The following GNB4 variants were observed in gnomAD, a reference collection of about 807,000 sequenced individuals.
GNB4 encodes guanine nucleotide-binding protein subunit beta-4.
Under a neutral mutation model 45.2 loss-of-function variants are expected in GNB4, and 28 were observed. The observed-to-expected ratio is 0.62, with a 90% CI of 0.46 to 0.85. The LOEUF is 0.85. GNB4 is among the 40% of genes least tolerant of loss of function. GNB4 has a pLI of 0.00. For missense variants in GNB4, 321 were observed against 425.4 expected, an observed-to-expected ratio of 0.75 and a Z score of 2.16; for synonymous variants, 132 against 143.7, an observed-to-expected ratio of 0.92 and a Z score of 0.58.
chr3:179,478,383 T>C, the GNB4 span, among the ~76,000 whole-genome samples: 1 of 152,322 alleles, frequency 6.6e-6, no homozygotes, highest in African/African-American at 2.4e-5. Flanking sequence ...TTACAAAACA[T>C]TTCATCTGCC....
At chr3:179,501,044 ACTCT>A in the GNB4 span, among the ~76,000 whole-genome samples, 1 of 152,100 alleles carries the variant, frequency 6.6e-6, no homozygotes, top group Non-Finnish European at 1.5e-5. Context: ...GGATGAAGTG[ACTCT>A]CTCAGTTGAG....
chr3:179,408,245 TA>T (rs1470307740), intron 8 of GNB4, among the ~76,000 whole-genome samples: 1 of 150,756 alleles, frequency 6.6e-6, no homozygotes, highest in Non-Finnish European at 1.5e-5. Flanking sequence ...TCACAGAAGA[TA>T]AAATTAACAG....
At chr3:179,507,456 G>T in the GNB4 span, among the ~76,000 whole-genome samples, 2 of 152,264 alleles carry the variant, frequency 1.3e-5, no homozygotes, top group Admixed American at 6.5e-5. Flanking sequence ...GAAAAGAAAG[G>T]CTTGTAGCAT....
At chr3:179,442,504 T>A (rs914125186) in intron 1 of GNB4, among the ~76,000 whole-genome samples, 2 of 152,222 alleles carry the variant, frequency 1.3e-5, no homozygotes, top group Non-Finnish European at 2.9e-5. Flanking sequence ...TATGTAAATT[T>A]AAAATCATAC....
At chr3:179,451,729 T>A (rs1026698843), upstream of GNB4, 4 of 152,046 alleles carry the variant, frequency 2.6e-5, no homozygotes, top group Admixed American at 2.0e-4. Context: ...GCAGTTTCGT[T>A]TTCTTGTTGG....
At chr3:179,494,907 CAAAAAAAAAAAA>C in the GNB4 span, among the ~76,000 whole-genome samples, 2 of 33,990 alleles carry the variant, frequency 5.9e-5, no homozygotes, top group African/African-American at 1.2e-4. Context: ...GACTCTGTCT[CAAAAAAAAAAAA>C]AAAAAAAAAA....
Position 179,396,750 on chromosome 3 carries a change from A to G in GNB4, c.*4463T>C, listed in dbSNP as rs1172564621. The G allele has an allele frequency of 5.0e-5, 7 of 141,404 alleles. No individual in the cohort carries two copies. Among genetic ancestry groups the G allele is most frequent in the Non-Finnish European group, 7.8e-5 (5 of 64,176 alleles). The allele number at this position is 141,404 out of a possible 1,614,324, so 8.8% of individuals were successfully genotyped here. ...TGTACCATCAATGTGTGATTAATTAATAAGTTACTTTTTAAAATAAAGTGC... is the reference window on the plus strand; with the variant it reads ...TGTACCATCAATGTGTGATTAATTAGTAAGTTACTTTTTAAAATAAAGTGC... On this transcript the variant is annotated 3_prime_UTR_variant, in exon 10 of 10. Transcript: ENST00000232564.
the GNB4 span, among the ~76,000 whole-genome samples, chr3:179,507,985 A>G: frequency 6.6e-6 from 1 of 152,162 alleles, no homozygotes; most frequent in Non-Finnish European, 1.5e-5. Context: ...GTCTAAGTTG[A>G]CCAATTTTGA....
upstream of GNB4, among the ~76,000 whole-genome samples, chr3:179,452,670 A>G (rs955998448): frequency 6.6e-6 from 1 of 152,184 alleles, no homozygotes; most frequent in Non-Finnish European, 1.5e-5. Context: ...AGGCCGTGAC[A>G]AAAATAGAAG....
At position 179,445,605 on chromosome 3, in the gene GNB4, T is replaced by C. The variant is rs182164850; in HGVS notation, c.-43+5741A>G. Among the ~76,000 whole-genome samples, 8 of 152,292 alleles carry C rather than the reference T, an allele frequency of 5.3e-5. 2 individuals carry two copies. The highest frequency in any genetic ancestry group is 2.1e-4 in the South Asian group (1 of 4,828). Reference sequence around the variant, plus strand: ...CTGGCCAACACTTTTGCATAATAGGTAAGAATTAATGTTTAAGGATATTCA... The same window carrying C: ...CTGGCCAACACTTTTGCATAATAGGCAAGAATTAATGTTTAAGGATATTCA... On this transcript the variant is annotated intron_variant, in intron 1 of 9. Coordinates refer to ENST00000232564, the MANE Select transcript of GNB4 (RefSeq NM_021629.4).
the GNB4 span, among the ~76,000 whole-genome samples, chr3:179,493,871 A>G: frequency 1.3e-5 from 2 of 152,194 alleles, no homozygotes; most frequent in Non-Finnish European, 2.9e-5. Context: ...GTAGAAGTCT[A>G]TGTAGAAAAG....
chr3:179,496,354 C>G, the GNB4 span, among the ~76,000 whole-genome samples: 2 of 151,886 alleles, frequency 1.3e-5, no homozygotes, highest in South Asian at 4.1e-4. Context: ...GAGCATATCA[C>G]TAGAAAAAAC....
chr3:179,428,753 G>A (rs760398312), intron 1 of GNB4, among the ~76,000 whole-genome samples: 9 of 152,142 alleles, frequency 5.9e-5, no homozygotes, highest in Non-Finnish European at 1.2e-4. Context: ...CCAAAGGCAT[G>A]AGTCGCTGAG....
chr3:179,507,091 G>C, the GNB4 span, among the ~76,000 whole-genome samples: 3 of 152,254 alleles, frequency 2.0e-5, no homozygotes, highest in South Asian at 4.1e-4. Flanking sequence ...CTGTAGAGTC[G>C]CCATCCATCT....
the GNB4 span, among the ~76,000 whole-genome samples, chr3:179,504,483 G>T: frequency 2.6e-5 from 4 of 152,128 alleles, no homozygotes; most frequent in Non-Finnish European, 4.4e-5. Flanking sequence ...GAATGTTGGG[G>T]ATAAGAATCA....
chr3:179,444,179 C>T (rs527330907), intron 1 of GNB4, among the ~76,000 whole-genome samples: 2 of 152,132 alleles, frequency 1.3e-5, no homozygotes, highest in Non-Finnish European at 1.5e-5. Flanking sequence ...TAACCTATCT[C>T]TATTTTCTTT....
At chr3:179,406,851 G>A (rs1212273683) in intron 8 of GNB4, among the ~76,000 whole-genome samples, 1 of 152,108 alleles carries the variant, frequency 6.6e-6, no homozygotes, top group Admixed American at 6.6e-5. Context: ...CTGGCCTCAA[G>A]TGATCTGCCT....
the GNB4 span, among the ~76,000 whole-genome samples, chr3:179,507,815 T>G: frequency 6.6e-6 from 1 of 152,222 alleles, no homozygotes; most frequent in Non-Finnish European, 1.5e-5. Context: ...TATTCTCGCG[T>G]CTTCTCCACT....
At chr3:179,438,071 C>CA (rs112229065) in intron 1 of GNB4, among the ~76,000 whole-genome samples, 64,250 of 149,642 alleles carry the variant, frequency 0.43, 14,161 homozygotes, top group Admixed American at 0.51. Flanking sequence ...GACCTCATCT[C>CA]AAAAAAAAAG....
Sources: allele counts gnomAD v4.1 joint callset (sites outside exome capture counted in the v4.1 genomes callset), GRCh38; gene constraint gnomAD v4.1.1; transcripts MANE v1.5; gene names NCBI Gene and HGNC (gene_info 2026-07-23, HGNC 2026-07-21).